ANXA10: variants seen among roughly 807,000 people sequenced by gnomAD.
ANXA10 encodes annexin A10, also known as annexin 14.
In ANXA10, 49 loss-of-function variants were observed where a neutral mutation model predicts 53.5. The ratio of observed to expected loss-of-function variants is 0.92; its 90% CI spans 0.73 to 1.16. The LOEUF (loss-of-function observed/expected upper bound fraction) is 1.16, where lower values mean the gene tolerates loss of function less well. Among genes scored for constraint, ANXA10 ranks in the 50% most tolerant of loss-of-function variants. The pLI is 0.00. For missense variants in ANXA10, 393 were observed against 394.4 expected, an observed-to-expected ratio of 1.00 and a Z score of 0.03; for synonymous variants, 131 against 128.9, an observed-to-expected ratio of 1.02 and a Z score of -0.11.
At chr4:168,151,891 G>C (rs1002990446) in intron 3 of ANXA10, among the ~76,000 whole-genome samples, 3 of 152,088 alleles carry the variant, frequency 2.0e-5, no homozygotes, top group Admixed American at 2.0e-4. Context: ...TGATGATAAG[G>C]ACCTTCACTT....
chr4:168,184,806 CT>C, intron 11 of ANXA10, 125 bp downstream of exon 11: 1 of 1,312,818 alleles, frequency 7.6e-7, no homozygotes. Context: ...CAGGGATAAC[CT>C]AGTTTTTTTC....
rs974987047 is a variant in ANXA10 at position 168,116,102 on chromosome 4, G to T, written c.19-11982G>T. The stretch of plus-strand genomic sequence containing the variant: ...AAGACAAATGCAAAAAAAATGGAAT[G>T]CCATGTGTAATAGAGATGCAAAGTG... On this transcript the variant is annotated intron_variant, in intron 1 of 11. Transcript: ENST00000359299. Among the ~76,000 whole-genome samples the T allele has an allele frequency of 3.3e-5, 5 of 152,240 alleles. No individual in the cohort carries two copies. In the South Asian group the frequency reaches 8.3e-4, roughly 25 times the overall value.
intron 2 of ANXA10, among the ~76,000 whole-genome samples, chr4:168,137,758 A>ATC (rs1003796906): frequency 1.3e-5 from 2 of 152,142 alleles, no homozygotes; most frequent in African/African-American, 4.8e-5. Flanking sequence ...AGATGCAAAT[A>ATC]TCTTTTTTAT....
chr4:168,162,435 G>A (rs1377465345), intron 3 of ANXA10, 93 bp from the exon 4 acceptor site: 2 of 865,682 alleles, frequency 2.3e-6, no homozygotes, highest in Non-Finnish European at 3.8e-6. Flanking sequence ...AAATGACATG[G>A]AAAAGAAAAT....
At chr4:168,175,580 C>T (rs116596305) in intron 6 of ANXA10, among the ~76,000 whole-genome samples, 3 of 152,136 alleles carry the variant, frequency 2.0e-5, no homozygotes, top group Non-Finnish European at 4.4e-5. Context: ...GGTACCTGCA[C>T]CTCAACATTT....
At chr4:168,128,562 C>G (rs1731109410) in intron 2 of ANXA10, among the ~76,000 whole-genome samples, 1 of 152,050 alleles carries the variant, frequency 6.6e-6, no homozygotes, top group African/African-American at 2.4e-5. Context: ...TTTTGCTATT[C>G]CCCCAAATGA....
intron 6 of ANXA10, among the ~76,000 whole-genome samples, chr4:168,172,293 A>G (rs1270716197): frequency 6.6e-6 from 1 of 152,238 alleles, no homozygotes; most frequent in Non-Finnish European, 1.5e-5. Context: ...ATAGGAAAAT[A>G]AACAGATAGG....
chr4:168,142,605 T>C (rs1731344725), intron 3 of ANXA10, among the ~76,000 whole-genome samples: 1 of 152,178 alleles, frequency 6.6e-6, no homozygotes. Flanking sequence ...TTTGTATCTG[T>C]TTCACTCTAC....
At chr4:168,125,417 C>A (rs1039416238) in intron 1 of ANXA10, among the ~76,000 whole-genome samples, 3 of 152,078 alleles carry the variant, frequency 2.0e-5, no homozygotes, top group Admixed American at 1.3e-4. Flanking sequence ...CAAACTGTCA[C>A]CCTGCCTAGC....
intron 5 of ANXA10, among the ~76,000 whole-genome samples, chr4:168,164,825 G>A (rs1337098005): frequency 5.3e-5 from 8 of 152,148 alleles, no homozygotes; most frequent in African/African-American, 1.9e-4. Context: ...TCAAGAAAAT[G>A]TTGCGGACAG....
At chr4:168,179,050 T>A (rs1732187765) in intron 8 of ANXA10, among the ~76,000 whole-genome samples, 167 bp from the exon 9 acceptor site, 1 of 152,216 alleles carries the variant, frequency 6.6e-6, no homozygotes. Context: ...CTGACTCTAC[T>A]AAGAGTATTT....
chr4:168,161,153 G>A (rs183636001), intron 3 of ANXA10, among the ~76,000 whole-genome samples: 1 of 152,176 alleles, frequency 6.6e-6, no homozygotes, highest in South Asian at 2.1e-4. Flanking sequence ...GTCCTCAATG[G>A]TATTGCCTAG....
At chr4:168,119,041 C>T (rs766262197) in intron 1 of ANXA10, among the ~76,000 whole-genome samples, 60 of 152,194 alleles carry the variant, frequency 3.9e-4, no homozygotes, top group Non-Finnish European at 7.6e-4. Flanking sequence ...TTTATATTTA[C>T]TCATTATCTA....
chr4:168,145,058 A>G (rs1553998857), intron 3 of ANXA10, among the ~76,000 whole-genome samples: 1 of 152,158 alleles, frequency 6.6e-6, no homozygotes, highest in Non-Finnish European at 1.5e-5. Flanking sequence ...TGGTACAGAA[A>G]TGAAATCATA....
intron 1 of ANXA10, among the ~76,000 whole-genome samples, chr4:168,109,346 G>T (rs1730766583): frequency 6.6e-6 from 1 of 151,970 alleles, no homozygotes; most frequent in African/African-American, 2.4e-5. Context: ...AGTCTCCTAG[G>T]CATATGTGCT....
intron 1 of ANXA10, among the ~76,000 whole-genome samples, chr4:168,101,186 A>G (rs144651983): frequency 1.8e-3 from 278 of 151,906 alleles, no homozygotes; most frequent in African/African-American, 6.5e-3. Flanking sequence ...AGCACCTCCC[A>G]CTTGGCTCTC....
At chr4:168,146,112 T>G (rs1295299751) in intron 3 of ANXA10, among the ~76,000 whole-genome samples, 1 of 152,150 alleles carries the variant, frequency 6.6e-6, no homozygotes, top group Admixed American at 6.5e-5. Context: ...TTTCACCATG[T>G]TGGCCAGGCT....
intron 6 of ANXA10, among the ~76,000 whole-genome samples, chr4:168,169,944 A>G (rs1731952115): frequency 6.6e-6 from 1 of 152,228 alleles, no homozygotes; most frequent in South Asian, 2.1e-4. Context: ...GGGAAAACAC[A>G]AGTTCCGAAA....
intron 1 of ANXA10, 56 bp from the exon 2 acceptor site, chr4:168,128,028 T>C: frequency 6.7e-7 from 1 of 1,497,908 alleles, no homozygotes; most frequent in Admixed American, 1.7e-5. Flanking sequence ...CCGGCCACAA[T>C]GTTGAAACAT....
Sources: allele counts gnomAD v4.1 joint callset (sites outside exome capture counted in the v4.1 genomes callset), GRCh38; gene constraint gnomAD v4.1.1; transcripts MANE v1.5; gene names NCBI Gene and HGNC (gene_info 2026-07-23, HGNC 2026-07-21).